RPA3: variants seen among roughly 807,000 people sequenced by gnomAD.
RPA3 encodes the protein replication protein A 14 kDa subunit.
In RPA3, 24 loss-of-function variants were observed where a neutral mutation model predicts 13.7. The observed-to-expected ratio is 1.75, with a 90% CI of 1.27 to 2.46. RPA3 has a LOEUF of 2.46. RPA3 is among the 30% of genes most tolerant of loss of function. The pLI is 0.00. For missense variants in RPA3, 183 were observed against 151.0 expected (o/e 1.21, Z -1.11); for synonymous variants, 59 against 51.2 (o/e 1.15, Z -0.65).
chr7:7,665,543 C>T (rs1275697191), intron 4 of RPA3, among the ~76,000 whole-genome samples: 3 of 152,158 alleles, frequency 2.0e-5, no homozygotes, highest in Non-Finnish European at 2.9e-5. Flanking sequence ...GAGATTGGAT[C>T]AGTAACACAT....
At chr7:7,666,308 A>G (rs758967111) in intron 4 of RPA3, among the ~76,000 whole-genome samples, 5 of 151,808 alleles carry the variant, frequency 3.3e-5, no homozygotes, top group Non-Finnish European at 7.4e-5. Flanking sequence ...GTCTCAAGCA[A>G]TCCTCCCATT....
chr7:7,666,899 A>C (rs1779476505), intron 4 of RPA3, among the ~76,000 whole-genome samples: 1 of 152,068 alleles, frequency 6.6e-6, no homozygotes, highest in South Asian at 2.1e-4. Flanking sequence ...TCCGCCTCCC[A>C]AGTTCAAGTA....
chr7:7,685,466 C>T (rs182667399), intron 4 of RPA3, among the ~76,000 whole-genome samples: 18 of 152,100 alleles, frequency 1.2e-4, no homozygotes, highest in Admixed American at 5.2e-4. Flanking sequence ...TGCGCCACCA[C>T]GCCCACCAAG....
In RPA3 at chr7:7,642,308, TTTTTTTTTTGTTGTTTG is replaced by T. The variant is rs1784992917; in HGVS notation, c.-757-1150_-757-1134del. Among the ~76,000 whole-genome samples, 4 of 76,434 alleles carry T rather than the reference TTTTTTTTTTGTTGTTTG, an allele frequency of 5.2e-5. No homozygotes were observed. In the South Asian group the frequency reaches 3.3e-3, roughly 63 times the overall value. The allele number at this position is 76,434 out of a possible 152,430, so 50.1% of individuals were successfully genotyped here. On this transcript the variant is annotated intron_variant, in intron 4 of 7. Transcript: ENST00000223129. ...TACCACCACACCCAGCTAATAAAGA[TTTTTTTTTTGTTGTTTG>T]TTTTTTTTTGTTCAGATGGGGCCTC... is the stretch of plus-strand genomic sequence containing the variant.
chr7:7,664,837 G>A (rs1779397567), intron 4 of RPA3, among the ~76,000 whole-genome samples: 1 of 152,138 alleles, frequency 6.6e-6, no homozygotes, highest in South Asian at 2.1e-4. Context: ...GTATCTCTGA[G>A]GAGAAATTAG....
At chr7:7,681,593 C>G (rs749551139) in intron 4 of RPA3, among the ~76,000 whole-genome samples, 1 of 152,072 alleles carries the variant, frequency 6.6e-6, no homozygotes, top group Non-Finnish European at 1.5e-5. Flanking sequence ...AATAGCTATT[C>G]CTTCATTCAG....
chr7:7,708,076 C>T (rs1038715830), intron 2 of RPA3, among the ~76,000 whole-genome samples: 5 of 152,104 alleles, frequency 3.3e-5, no homozygotes, highest in East Asian at 1.9e-4. Context: ...GTATTTCAGT[C>T]GTCATTCTTC....
At chr7:7,672,666 G>A (rs901973540) in intron 4 of RPA3, among the ~76,000 whole-genome samples, 13 of 152,118 alleles carry the variant, frequency 8.5e-5, no homozygotes, top group Admixed American at 3.3e-4. Flanking sequence ...TCTCCCTGTC[G>A]TCCTGTGAGG....
rs541668813 is a variant in RPA3 at position 7,639,211 on chromosome 7, A to G, written c.100-67T>C. On this transcript the variant is annotated intron_variant, in intron 5 of 7. Coordinates refer to ENST00000223129, the MANE Select transcript of RPA3 (RefSeq NM_002947.5). Reference sequence around the variant, plus strand: ...ACAAAGTTTGACTAAAGATGAGTACATTGATCCTTAGTTGAGCACAAATCA... The same window carrying G: ...ACAAAGTTTGACTAAAGATGAGTACGTTGATCCTTAGTTGAGCACAAATCA... The G allele has an allele frequency of 2.3e-3, 2,799 of 1,194,742 alleles. 11 individuals carry two copies. Among genetic ancestry groups the G allele is most frequent in the Non-Finnish European group, 3.1e-3 (2,515 of 821,774 alleles). The allele number at this position is 1,194,742 out of a possible 1,614,324, so 74.0% of individuals were successfully genotyped here. A position where few individuals can be genotyped will look rare whatever the true frequency, so the allele number is the denominator to read the frequency against.
chr7:7,718,394 T>TAG (rs1780971033), intron 1 of RPA3, 121 bp downstream of exon 1: 1 of 152,208 alleles, frequency 6.6e-6, no homozygotes, highest in Non-Finnish European at 1.5e-5. Flanking sequence ...ATGGAACAAA[T>TAG]GAATAAGAAC....
At position 7,699,723 on chromosome 7, in the gene RPA3, G is replaced by A. The variant is rs889471179; in HGVS notation, c.-1027-12395C>T. ...ATATTTTTCAATTCCACAACTGCTG[G>A]TGCACCACAACTTGTAAGGTTCTGT... On this transcript the variant is annotated intron_variant, in intron 2 of 7. Coordinates refer to ENST00000223129, the MANE Select transcript of RPA3 (RefSeq NM_002947.5). 7.9e-5 allele frequency among the ~76,000 whole-genome samples: 12 copies of A among 152,270 alleles called. 1 individual carries two copies. Among genetic ancestry groups the A allele is most frequent in the African/African-American group, 2.9e-4 (12 of 41,538 alleles).
intron 2 of RPA3, among the ~76,000 whole-genome samples, chr7:7,713,227 C>G (rs1391944053): frequency 6.6e-6 from 1 of 151,860 alleles, no homozygotes; most frequent in African/African-American, 2.4e-5. Context: ...ACCTGTAGTC[C>G]CAGCTACTCA....
chr7:7,707,779 A>T (rs1217832813), intron 2 of RPA3, among the ~76,000 whole-genome samples: 1 of 152,188 alleles, frequency 6.6e-6, no homozygotes, highest in Non-Finnish European at 1.5e-5. Flanking sequence ...TTTTCTGTTC[A>T]GAAATGTCAT....
intron 4 of RPA3, among the ~76,000 whole-genome samples, chr7:7,669,825 C>G (rs1779560847): frequency 6.6e-6 from 1 of 152,176 alleles, no homozygotes; most frequent in Admixed American, 6.5e-5. Context: ...TGTTGCCATT[C>G]TCAGTTCTTT....
intron 2 of RPA3, among the ~76,000 whole-genome samples, chr7:7,713,638 T>C (rs1408002115): frequency 2.6e-5 from 4 of 152,110 alleles, no homozygotes; most frequent in Admixed American, 1.3e-4. Context: ...GGAGTTTATT[T>C]TGTTAGTTTC....
chr7:7,676,263 G>A (rs1043318815), intron 4 of RPA3: 15 of 397,830 alleles, frequency 3.8e-5, no homozygotes, highest in Non-Finnish European at 5.8e-5. Flanking sequence ...GCACGATATC[G>A]GTACCTACCC....
intron 2 of RPA3, among the ~76,000 whole-genome samples, chr7:7,702,785 TTTGTTGTTG>T (rs148600831): frequency 1.1e-4 from 16 of 150,346 alleles, no homozygotes; most frequent in Non-Finnish European, 1.6e-4. Flanking sequence ...GGCCTGGGTT[TTTGTTGTTG>T]TTGTTGTTGT....
intron 4 of RPA3, among the ~76,000 whole-genome samples, chr7:7,680,933 G>GT (rs753426747): frequency 4.6e-5 from 7 of 151,772 alleles, no homozygotes; most frequent in East Asian, 3.9e-4. Flanking sequence ...AGTTCTGATA[G>GT]TTTTTTTAGT....
chr7:7,647,918 TTTG>T lies in RPA3; in HGVS notation c.-757-6746_-757-6744del, dbSNP rs376541808. Among the ~76,000 whole-genome samples, 23 of 152,302 alleles carry T rather than the reference TTTG, an allele frequency of 1.5e-4. No individual in the cohort carries two copies. The East Asian group carries it at 1.7e-3, about 12-fold the overall frequency. ...CTGTGCCTGGCTTGGCTTTAAAGTT[TTTG>T]TTGTTGTTGTTTGCTACTATTATAG... On this transcript the variant is annotated intron_variant, in intron 4 of 7. Coordinates refer to ENST00000223129, the MANE Select transcript of RPA3 (RefSeq NM_002947.5).
Sources: allele counts gnomAD v4.1 joint callset (sites outside exome capture counted in the v4.1 genomes callset), GRCh38; gene constraint gnomAD v4.1.1; transcripts MANE v1.5; gene names NCBI Gene and HGNC (gene_info 2026-07-23, HGNC 2026-07-21).